The following CCDC149 variants were observed in gnomAD, a reference collection of about 807,000 sequenced individuals.
The protein encoded by CCDC149 is coiled-coil domain-containing protein 149.
Under a neutral mutation model 59.9 loss-of-function variants are expected in CCDC149, and 45 were observed. That is an observed-to-expected ratio of 0.75 (90% CI 0.59 to 0.96). The LOEUF (loss-of-function observed/expected upper bound fraction) is 0.96, where lower values mean the gene tolerates loss of function less well. Ranked by LOEUF, CCDC149 falls within the 40% of genes least tolerant of loss-of-function variation. The pLI is 0.00. For synonymous variants in CCDC149, 245 were observed against 260.6 expected (o/e 0.94, Z 0.58); for missense variants, 584 against 664.7 (o/e 0.88, Z 1.33).
At chr4:24,938,061 A>G (rs1336875127) in intron 1 of CCDC149, among the ~76,000 whole-genome samples, 1 of 152,162 alleles carries the variant, frequency 6.6e-6, no homozygotes, top group Non-Finnish European at 1.5e-5. Context: ...TATGCTTGAA[A>G]TTTCTTCTCT....
chr4:24,810,191 T>G (rs534933744), intron 12 of CCDC149, among the ~76,000 whole-genome samples: 12 of 152,342 alleles, frequency 7.9e-5, no homozygotes, highest in Non-Finnish European at 1.5e-4. Context: ...CACTAAACAT[T>G]TGACGTGTTT....
At chr4:24,858,981 C>T (rs971031864) in intron 3 of CCDC149, among the ~76,000 whole-genome samples, 2 of 152,190 alleles carry the variant, frequency 1.3e-5, no homozygotes, top group African/African-American at 4.8e-5. Flanking sequence ...CCTACAAATG[C>T]CGCAAAATAT....
chr4:24,925,966 G>A (rs13102945), intron 1 of CCDC149, among the ~76,000 whole-genome samples: 37,262 of 151,966 alleles, frequency 0.25, 4,895 homozygotes, highest in African/African-American at 0.35. Flanking sequence ...AGGCTGAGAC[G>A]GGCAGATCAC....
intron 1 of CCDC149, among the ~76,000 whole-genome samples, chr4:24,895,357 T>C (rs1720789659): frequency 6.6e-6 from 1 of 152,162 alleles, no homozygotes; most frequent in South Asian, 2.1e-4. Flanking sequence ...TTAGCCTCGA[T>C]ACAAATAGTA....
At chr4:24,830,789 G>A (rs1716092918) in intron 9 of CCDC149, 1 of 152,214 alleles carries the variant, frequency 6.6e-6, no homozygotes, top group Non-Finnish European at 1.5e-5. Flanking sequence ...ATTCCAAGAT[G>A]GTGACAGTGG....
At chr4:24,852,963 TA>T in intron 4 of CCDC149, 108 bp downstream of exon 4, 2 of 734,206 alleles carry the variant, frequency 2.7e-6, no homozygotes, top group Non-Finnish European at 4.6e-6. Context: ...TAAAAATCTA[TA>T]ACAAACTTTT....
At chr4:24,877,234 G>A (rs1053185120) in intron 1 of CCDC149, among the ~76,000 whole-genome samples, 23 of 152,070 alleles carry the variant, frequency 1.5e-4, no homozygotes, top group African/African-American at 5.3e-4. Flanking sequence ...CATCCAGGCT[G>A]GAGTGCAGTG....
intron 12 of CCDC149, among the ~76,000 whole-genome samples, chr4:24,811,133 G>C (rs537215327): frequency 2.0e-4 from 30 of 152,298 alleles, no homozygotes; most frequent in African/African-American, 6.7e-4. Flanking sequence ...AAGGGTGGAG[G>C]AAGACTTTAA....
chr4:24,883,078 T>C (rs573851104), intron 1 of CCDC149, among the ~76,000 whole-genome samples: 1 of 152,304 alleles, frequency 6.6e-6, no homozygotes, highest in African/African-American at 2.4e-5. Flanking sequence ...GGGATAAACC[T>C]CACGGATAAC....
intron 1 of CCDC149, among the ~76,000 whole-genome samples, chr4:24,896,135 T>C (rs1208799034): frequency 1.3e-5 from 2 of 152,228 alleles, no homozygotes; most frequent in Non-Finnish European, 2.9e-5. Context: ...TGCTTCTTGC[T>C]GAGTGACCAT....
At chr4:24,941,928 C>T (rs980521788) in intron 1 of CCDC149, among the ~76,000 whole-genome samples, 4 of 152,154 alleles carry the variant, frequency 2.6e-5, no homozygotes, top group Non-Finnish European at 5.9e-5. Context: ...AAAAAAAGTC[C>T]AGGACCAGAT....
chr4:24,898,688 G>A (rs1720985603), intron 1 of CCDC149, among the ~76,000 whole-genome samples: 1 of 152,188 alleles, frequency 6.6e-6, no homozygotes, highest in South Asian at 2.1e-4. Context: ...CCCATCCTCA[G>A]GAACCGAGTT....
intron 1 of CCDC149, among the ~76,000 whole-genome samples, chr4:24,930,193 T>C (rs1722548768): frequency 6.6e-6 from 1 of 152,232 alleles, no homozygotes; most frequent in Admixed American, 6.5e-5. Context: ...TAAATCTCCA[T>C]GCATGACCTT....
At position 24,910,747 on chromosome 4, in the gene CCDC149, T is replaced by C. The variant is rs558209902; in HGVS notation, c.63+2070A>G. 2.0e-5 allele frequency among the ~76,000 whole-genome samples: 3 copies of C among 152,220 alleles called. No individual in the cohort carries two copies. In the East Asian group the frequency reaches 5.8e-4, roughly 29 times the overall value. On this transcript the variant is annotated intron_variant, in intron 1 of 12. Coordinates refer to ENST00000635206, the MANE Select transcript of CCDC149 (RefSeq NM_001330643.2). ...AAGCAATGAGTCAGACAGACCAGGA[T>C]TCAAATCCTGCCTCTTCCACTTACC...
chr4:24,920,360 G>A (rs556985246), intron 1 of CCDC149, among the ~76,000 whole-genome samples: 7 of 152,314 alleles, frequency 4.6e-5, no homozygotes, highest in African/African-American at 1.2e-4. Flanking sequence ...GTGAAGCCCC[G>A]CCTCATGTCT....
intron 4 of CCDC149, among the ~76,000 whole-genome samples, chr4:24,849,658 A>G (rs1717531228): frequency 6.6e-6 from 1 of 152,244 alleles, no homozygotes; most frequent in African/African-American, 2.4e-5. Flanking sequence ...TGGAAAAATT[A>G]GTCTACCCTA....
intron 3 of CCDC149, among the ~76,000 whole-genome samples, chr4:24,872,025 A>G (rs1719074941): frequency 6.6e-6 from 1 of 152,242 alleles, no homozygotes. Context: ...ATCTGAGAAA[A>G]GTAACATATA....
chr4:24,895,775 C>T (rs1720814177), intron 1 of CCDC149, among the ~76,000 whole-genome samples: 1 of 152,202 alleles, frequency 6.6e-6, no homozygotes, highest in African/African-American at 2.4e-5. Context: ...CCTGGTGCAC[C>T]TGTCTTCAGG....
chr4:24,939,099 A>G (rs1722870437), intron 1 of CCDC149, among the ~76,000 whole-genome samples: 1 of 152,196 alleles, frequency 6.6e-6, no homozygotes, highest in Admixed American at 6.5e-5. Flanking sequence ...CTGCCTCCTC[A>G]AGTGGGTCCC....
Sources: gnomAD v4.1 joint callset for allele counts (sites outside exome capture counted in the v4.1 genomes callset) on GRCh38, gnomAD v4.1.1 for gene constraint, MANE v1.5 for transcripts, NCBI Gene and HGNC (gene_info 2026-07-23, HGNC 2026-07-21) for gene names.